The following RBFOX1 variants were observed in gnomAD, a reference collection of about 807,000 sequenced individuals.
RBFOX1 encodes RNA binding fox-1 homolog 1, also known as RNA binding protein fox-1 homolog 1.
A neutral mutation model predicts 57.7 loss-of-function variants in RBFOX1; 8 were observed. The observed-to-expected ratio is 0.14, with a 90% CI of 0.08 to 0.25. The LOEUF is 0.25. Among genes scored for constraint, RBFOX1 ranks in the 10% least tolerant of loss-of-function variants. The probability of loss-of-function intolerance (pLI) is 1.00; values close to 1 mark genes in which losing one functional copy is unlikely to be tolerated. For missense variants in RBFOX1, 611 were observed against 548.5 expected, an observed-to-expected ratio of 1.11 and a Z score of -1.14; for synonymous variants, 326 against 222.4, an observed-to-expected ratio of 1.47 and a Z score of -4.15.
intron 4 of RBFOX1, among the ~76,000 whole-genome samples, chr16:7,303,350 C>T (rs1048668023): frequency 6.6e-6 from 1 of 152,148 alleles, no homozygotes; most frequent in African/African-American, 2.4e-5. Context: ...CTCAGCACTC[C>T]ACCTCCTGAG....
At chr16:5,716,447 A>G (rs1428860571) in intron 3 of RBFOX1, among the ~76,000 whole-genome samples, 1 of 152,178 alleles carries the variant, frequency 6.6e-6, no homozygotes, top group African/African-American at 2.4e-5. Context: ...CAACAATTGC[A>G]TGAAAAAAAC....
intron 10 of RBFOX1, among the ~76,000 whole-genome samples, chr16:7,623,112 G>C (rs765074286): frequency 2.6e-5 from 4 of 152,144 alleles, no homozygotes; most frequent in African/African-American, 4.8e-5. Context: ...CTTTGTAGGG[G>C]ACTCTCATTA....
intron 3 of RBFOX1, among the ~76,000 whole-genome samples, chr16:6,725,728 T>C (rs1019106350): frequency 6.6e-6 from 1 of 152,198 alleles, no homozygotes; most frequent in African/African-American, 2.4e-5. Context: ...TCAGGGTAGA[T>C]TTCCATCTGT....
chr16:6,532,633 C>T (rs2096674666), intron 2 of RBFOX1, among the ~76,000 whole-genome samples: 1 of 152,140 alleles, frequency 6.6e-6, no homozygotes, highest in Non-Finnish European at 1.5e-5. Flanking sequence ...GTGATCGTCT[C>T]TTCTCGAGAT....
chr16:6,964,958 C>G lies in RBFOX1; in HGVS notation c.-15-87099C>G, dbSNP rs373770800. Among the ~76,000 whole-genome samples, 19 of 152,294 alleles carry G rather than the reference C, an allele frequency of 1.2e-4. 1 individual carries two copies. Among genetic ancestry groups the G allele is most frequent in the Middle Eastern group, 3.4e-3 (1 of 294 alleles). On this transcript the variant is annotated intron_variant, in intron 3 of 15. Transcript: ENST00000550418. ...TAAAGGAGATAACAGACGCCAGGCA[C>G]TTAGCAGCGAGTGTGGCCTATCCTA...
chr16:7,006,942 C>A (rs1023759235), intron 3 of RBFOX1, among the ~76,000 whole-genome samples: 2 of 152,106 alleles, frequency 1.3e-5, no homozygotes, highest in African/African-American at 4.8e-5. Flanking sequence ...TCCATGTTTT[C>A]GTAGTCTTAG....
At chr16:5,520,728 C>T (rs2043979743) in intron 2 of RBFOX1, among the ~76,000 whole-genome samples, 1 of 152,340 alleles carries the variant, frequency 6.6e-6, no homozygotes, top group South Asian at 2.1e-4. Flanking sequence ...GAGGAACATA[C>T]TTCCCCTCTT....
At chr16:6,544,503 T>G (rs867767502) in intron 2 of RBFOX1, among the ~76,000 whole-genome samples, 3 of 152,200 alleles carry the variant, frequency 2.0e-5, no homozygotes, top group African/African-American at 7.2e-5. Context: ...AAATTTTTCA[T>G]GTGAATTCAA....
chr16:7,314,119 G>T (rs1381806981), intron 4 of RBFOX1, among the ~76,000 whole-genome samples: 2 of 152,114 alleles, frequency 1.3e-5, no homozygotes, highest in African/African-American at 4.8e-5. Context: ...GAGGAGGAAG[G>T]GAGAGGGGAA....
intron 3 of RBFOX1, among the ~76,000 whole-genome samples, chr16:6,900,885 C>G (rs1460560942): frequency 1.3e-5 from 2 of 152,170 alleles, no homozygotes; most frequent in African/African-American, 2.4e-5. Context: ...CTACATATGT[C>G]TTGTGAACTG....
In RBFOX1 at chr16:6,859,212, CA is replaced by C. The variant is rs1309529660; in HGVS notation, c.-15-192840del. 3.0e-3 allele frequency among the ~76,000 whole-genome samples: 195 copies of C among 64,980 alleles called. 3 individuals are homozygous for C. Among genetic ancestry groups the C allele is most frequent in the African/African-American group, 0.01 (191 of 18,454 alleles). 42.6% of individuals were successfully genotyped at this position (64,980 alleles called of 152,430 possible). On this transcript the variant is annotated intron_variant, in intron 3 of 15. Transcript: ENST00000550418. ...ATATATATATGTATATATATATATA[CA>C]AAAATTAGTTCCTCAATCCAATAAG...
intron 1 of RBFOX1, among the ~76,000 whole-genome samples, chr16:6,220,972 A>G (rs924238406): frequency 1.1e-4 from 17 of 149,704 alleles, no homozygotes; most frequent in Non-Finnish European, 7.4e-5. Flanking sequence ...GTGTGTGTGT[A>G]TGTGTGTGTG....
chr16:6,762,600 T>G (rs973238430), intron 3 of RBFOX1, among the ~76,000 whole-genome samples: 2 of 152,162 alleles, frequency 1.3e-5, no homozygotes, highest in Admixed American at 1.3e-4. Context: ...GAATCTTAGA[T>G]ATGAAAGGAA....
chr16:6,322,660 G>A (rs937844991), intron 2 of RBFOX1, among the ~76,000 whole-genome samples: 3 of 152,162 alleles, frequency 2.0e-5, no homozygotes, highest in African/African-American at 7.2e-5. Flanking sequence ...GAGTAAGGAG[G>A]TATTGAAAGA....
At chr16:7,486,179 G>A (rs1335705213) in intron 4 of RBFOX1, among the ~76,000 whole-genome samples, 1 of 136,090 alleles carries the variant, frequency 7.3e-6, no homozygotes, top group Non-Finnish European at 1.5e-5. Context: ...CTGGAGTGCA[G>A]TGGCGTGATC....
At chr16:6,281,374 G>T (rs184487504) in intron 1 of RBFOX1, among the ~76,000 whole-genome samples, 31 of 152,242 alleles carry the variant, frequency 2.0e-4, no homozygotes, top group African/African-American at 6.7e-4. Flanking sequence ...CATAGAAGTA[G>T]GGGACAGCCA....
At chr16:5,340,295 C>G (rs761417299) in intron 1 of RBFOX1, among the ~76,000 whole-genome samples, 4 of 152,082 alleles carry the variant, frequency 2.6e-5, no homozygotes, top group African/African-American at 4.8e-5. Flanking sequence ...GGAATTTGGA[C>G]CAGGTTTGTG....
intron 1 of RBFOX1, among the ~76,000 whole-genome samples, chr16:5,353,939 G>A (rs2065324206): frequency 6.6e-6 from 1 of 152,104 alleles, no homozygotes; most frequent in Admixed American, 6.5e-5. Context: ...CTGGGGCGGT[G>A]TAGTAAATGT....
chr16:7,179,297 A>T (rs1393276099), intron 4 of RBFOX1, among the ~76,000 whole-genome samples: 1 of 152,008 alleles, frequency 6.6e-6, no homozygotes, highest in African/African-American at 2.4e-5. Flanking sequence ...GGAAGTGTCA[A>T]GAGATTCTGT....
Sources: gnomAD v4.1 joint callset for allele counts (sites outside exome capture counted in the v4.1 genomes callset) on GRCh38, gnomAD v4.1.1 for gene constraint, MANE v1.5 for transcripts, NCBI Gene and HGNC (gene_info 2026-07-23, HGNC 2026-07-21) for gene names.